Variants in KANSL1 observed in about 807,000 individuals in gnomAD.
KANSL1 encodes MLL1/MLL complex subunit KANSL1.
Under a neutral mutation model 103.6 loss-of-function variants are expected in KANSL1, and 22 were observed. The ratio of observed to expected loss-of-function variants is 0.21; its 90% CI spans 0.15 to 0.30. KANSL1 has a LOEUF of 0.30. Among genes scored for constraint, KANSL1 ranks in the 10% least tolerant of loss-of-function variants. The pLI is 1.00. For missense variants in KANSL1, 1,337 were observed against 1,399.8 expected, an observed-to-expected ratio of 0.96 and a Z score of 0.72; for synonymous variants, 600 against 527.6, an observed-to-expected ratio of 1.14 and a Z score of -1.88.
At chr17:46,188,943 G>C (rs1368395116) in intron 1 of KANSL1, among the ~76,000 whole-genome samples, 1 of 141,180 alleles carries the variant, frequency 7.1e-6, no homozygotes, top group Non-Finnish European at 1.5e-5. Flanking sequence ...TGAGGTAGGA[G>C]AATCGCTAGA....
At chr17:46,116,347 G>A (rs34517924) in intron 2 of KANSL1, among the ~76,000 whole-genome samples, 21,503 of 151,686 alleles carry the variant, frequency 0.14, 1,711 homozygotes, top group East Asian at 0.44. Flanking sequence ...TGGCTAACAC[G>A]GTGAAACCCC....
At chr17:46,110,050 T>C (rs2042735988) in intron 2 of KANSL1, among the ~76,000 whole-genome samples, 1 of 152,192 alleles carries the variant, frequency 6.6e-6, no homozygotes, top group South Asian at 2.1e-4. Context: ...TCATCCTAAA[T>C]TTAGGACTAC....
At chr17:46,148,119 T>C (rs1406071) in intron 2 of KANSL1, 21,959 of 152,244 alleles carry the variant, frequency 0.14, 2,135 homozygotes, top group Non-Finnish European at 0.22. Context: ...ACACACTAAA[T>C]AATAATTAGC....
At chr17:46,195,875 A>C (rs904267388), upstream of KANSL1, among the ~76,000 whole-genome samples, 4 of 152,318 alleles carry the variant, frequency 2.6e-5, no homozygotes, top group African/African-American at 7.2e-5. Flanking sequence ...ATTTCCCCCC[A>C]AAAAATAGTG....
intron 3 of KANSL1, among the ~76,000 whole-genome samples, chr17:46,083,255 A>C (rs1189838251): frequency 6.6e-6 from 1 of 152,190 alleles, no homozygotes; most frequent in Non-Finnish European, 1.5e-5. Context: ...TTAAAAAAAC[A>C]AAATACTACA....
chr17:46,124,453 T>C (rs1157196610), intron 2 of KANSL1, among the ~76,000 whole-genome samples: 2 of 152,240 alleles, frequency 1.3e-5, no homozygotes, highest in Non-Finnish European at 2.9e-5. Flanking sequence ...TGTACAAGGA[T>C]ATAAATCCTG....
intron 2 of KANSL1, among the ~76,000 whole-genome samples, chr17:46,151,239 T>C (rs1211512429): frequency 6.6e-6 from 1 of 152,268 alleles, no homozygotes; most frequent in Non-Finnish European, 1.5e-5. Flanking sequence ...CCACTCATTC[T>C]ATACCTGGAT....
chr17:46,129,409 A>G (rs1440655049), intron 2 of KANSL1, among the ~76,000 whole-genome samples: 1 of 152,254 alleles, frequency 6.6e-6, no homozygotes, highest in Non-Finnish European at 1.5e-5. Flanking sequence ...AATGGAACGT[A>G]TATATATAAA....
chr17:46,219,790 C>G (rs1264445305), intron 1 of KANSL1, among the ~76,000 whole-genome samples: 1 of 152,248 alleles, frequency 6.6e-6, no homozygotes, highest in Non-Finnish European at 1.5e-5. Context: ...GCGTGTGTAT[C>G]CCCTCAACCA....
At chr17:46,186,019 C>CT (rs1223012373) in intron 1 of KANSL1, among the ~76,000 whole-genome samples, 1 of 151,986 alleles carries the variant, frequency 6.6e-6, no homozygotes, top group Non-Finnish European at 1.5e-5. Flanking sequence ...CCAACAAGCC[C>CT]TAATGGTTGG....
intron 2 of KANSL1, among the ~76,000 whole-genome samples, chr17:46,111,652 A>C (rs1185431507): frequency 6.6e-6 from 1 of 152,262 alleles, no homozygotes; most frequent in African/African-American, 2.4e-5. Flanking sequence ...ATATACATCC[A>C]AGTATACATG....
chr17:46,190,497 G>A (rs2696526), intron 1 of KANSL1, among the ~76,000 whole-genome samples: 21,945 of 152,116 alleles, frequency 0.14, 2,137 homozygotes, highest in Non-Finnish European at 0.22. Context: ...TCACTTCAGT[G>A]GACTCATATA....
At chr17:46,158,482 C>A (rs1177113744) in intron 2 of KANSL1, among the ~76,000 whole-genome samples, 1 of 152,024 alleles carries the variant, frequency 6.6e-6, no homozygotes, top group Non-Finnish European at 1.5e-5. Flanking sequence ...TGCACCTCAG[C>A]CTTCCAAGTA....
At chr17:46,061,876 G>A (rs2078169732) in intron 6 of KANSL1, among the ~76,000 whole-genome samples, 1 of 152,116 alleles carries the variant, frequency 6.6e-6, no homozygotes, top group Admixed American at 6.5e-5. Context: ...TGGATCAGCT[G>A]AAGTCAGGAG....
intron 2 of KANSL1, among the ~76,000 whole-genome samples, chr17:46,128,652 C>A (rs1028136183): frequency 6.6e-6 from 1 of 152,152 alleles, no homozygotes; most frequent in Non-Finnish European, 1.5e-5. Context: ...TTAAAGCTTT[C>A]CAGGCAGAAG....
At chr17:46,055,613 G>A (rs2077897704) in intron 6 of KANSL1, among the ~76,000 whole-genome samples, 1 of 152,136 alleles carries the variant, frequency 6.6e-6, no homozygotes, top group South Asian at 2.1e-4. Context: ...ACTTGAGGGG[G>A]GAGGGGAGAC....
intron 2 of KANSL1, among the ~76,000 whole-genome samples, chr17:46,137,465 C>T (rs935979522): frequency 2.7e-4 from 41 of 152,184 alleles, no homozygotes; most frequent in Non-Finnish European, 4.4e-4. Flanking sequence ...AGCAAAAATC[C>T]TTACTATAGC....
chr17:46,126,786 C>CA (rs1052210326), intron 2 of KANSL1, among the ~76,000 whole-genome samples: 1 of 152,054 alleles, frequency 6.6e-6, no homozygotes, highest in Non-Finnish European at 1.5e-5. Context: ...ACCCTAAAAA[C>CA]AAATACATAA....
At chr17:46,077,747 A>T (rs987917378) in intron 4 of KANSL1, among the ~76,000 whole-genome samples, 10 of 151,668 alleles carry the variant, frequency 6.6e-5, no homozygotes, top group African/African-American at 1.9e-4. Flanking sequence ...TAGTAGAGAT[A>T]GGGTTTCACC....
Sources: gnomAD v4.1 joint callset for allele counts (sites outside exome capture counted in the v4.1 genomes callset) on GRCh38, gnomAD v4.1.1 for gene constraint, MANE v1.5 for transcripts, NCBI Gene and HGNC (gene_info 2026-07-23, HGNC 2026-07-21) for gene names.